The following LYRM4 variants were observed in gnomAD, a reference collection of about 807,000 sequenced individuals.
The protein encoded by LYRM4 is LYR motif containing 4.
In LYRM4, 9 loss-of-function variants were observed where a neutral mutation model predicts 11.7. That is an observed-to-expected ratio of 0.77 (90% CI 0.46 to 1.34). The LOEUF is 1.34. Among genes scored for constraint, LYRM4 ranks in the 40% most tolerant of loss-of-function variants. LYRM4 has a pLI of 0.00. For synonymous variants in LYRM4, 42 were observed against 40.4 expected (o/e 1.04, Z -0.15); for missense variants, 133 against 112.5 (o/e 1.18, Z -0.82).
At chr6:5,067,813 C>T in the LYRM4 span, among the ~76,000 whole-genome samples, 1 of 152,102 alleles carries the variant, frequency 6.6e-6, no homozygotes, top group Admixed American at 6.6e-5. Context: ...AAACAAATCC[C>T]ATGCCAGTTT....
chr6:5,065,246 G>A, the LYRM4 span, among the ~76,000 whole-genome samples: 2 of 144,066 alleles, frequency 1.4e-5, no homozygotes, highest in Non-Finnish European at 1.5e-5. Flanking sequence ...ATATACTACA[G>A]TTTACTTATG....
chr6:5,131,435 C>T (rs905766214), intron 2 of LYRM4, among the ~76,000 whole-genome samples: 3 of 152,206 alleles, frequency 2.0e-5, no homozygotes, highest in African/African-American at 4.8e-5. Flanking sequence ...TGCAATGGCT[C>T]ACGCCTGTAA....
chr6:5,102,383 T>C (rs1276768539), downstream of LYRM4, among the ~76,000 whole-genome samples: 5 of 152,178 alleles, frequency 3.3e-5, no homozygotes, highest in African/African-American at 1.2e-4. Context: ...CACATGTGCA[T>C]GTAAATGAAA....
intron 1 of LYRM4, among the ~76,000 whole-genome samples, chr6:5,253,705 T>C (rs1296525714): frequency 1.3e-5 from 2 of 152,014 alleles, no homozygotes; most frequent in Admixed American, 6.6e-5. Context: ...AGAGCAATCA[T>C]GGAAACTGAT....
At chr6:5,242,806 G>A (rs1031105256) in intron 1 of LYRM4, among the ~76,000 whole-genome samples, 6 of 138,348 alleles carry the variant, frequency 4.3e-5, no homozygotes, top group Non-Finnish European at 6.1e-5. Flanking sequence ...TCGCTCTGTC[G>A]CCCAGGCCGG....
chr6:5,202,635 T>C (rs916719622), intron 2 of LYRM4, among the ~76,000 whole-genome samples: 1 of 152,178 alleles, frequency 6.6e-6, no homozygotes, highest in African/African-American at 2.4e-5. Flanking sequence ...CCCACCTTAT[T>C]TCTCCCTAGT....
At chr6:5,245,116 ATATATATATATATATATATATATATAT>A (rs1764120169) in intron 1 of LYRM4, among the ~76,000 whole-genome samples, 8 of 14,720 alleles carry the variant, frequency 5.4e-4, no homozygotes, top group South Asian at 6.8e-3. Context: ...AAAAAAAAAT[ATATATATATATATATATATATATATAT>A]ATATATATAT....
chr6:5,085,061 C>T, the LYRM4 span: 2 of 187,970 alleles, frequency 1.1e-5, no homozygotes, highest in South Asian at 2.8e-4. Flanking sequence ...TCGAGGCACT[C>T]AAGAAGCGGA....
intron 2 of LYRM4, among the ~76,000 whole-genome samples, chr6:5,205,342 C>T (rs1761633620): frequency 6.6e-6 from 1 of 151,904 alleles, no homozygotes; most frequent in Non-Finnish European, 1.5e-5. Flanking sequence ...ATGGAAGGCC[C>T]AGCCCTCCGG....
intron 2 of LYRM4, among the ~76,000 whole-genome samples, chr6:5,166,757 T>A (rs538669297): frequency 1.3e-5 from 2 of 152,342 alleles, no homozygotes; most frequent in African/African-American, 4.8e-5. Context: ...ATATTCTTTT[T>A]CAAAAGCTCG....
the LYRM4 span, among the ~76,000 whole-genome samples, chr6:5,051,342 T>C: frequency 6.6e-6 from 1 of 152,154 alleles, no homozygotes; most frequent in Non-Finnish European, 1.5e-5. Flanking sequence ...TTCAAGAAGC[T>C]CAATGATCTC....
In LYRM4 at chr6:5,177,880, G is replaced by A. The variant is rs566375561; in HGVS notation, c.207+38738C>T. Among the ~76,000 whole-genome samples, 3 of 152,302 alleles carry A rather than the reference G, an allele frequency of 2.0e-5. No individual in the cohort carries two copies. The East Asian group carries it at 5.8e-4, about 29-fold the overall frequency. ...TTTCCAAGAACATACTAGGCCTCAC[G>A]CGCTCCTCAACACTGCCAACTTGGG... On this transcript the variant is annotated intron_variant, in intron 2 of 2. Transcript: ENST00000330636.
chr6:5,206,118 G>A (rs1222714541), intron 2 of LYRM4, among the ~76,000 whole-genome samples: 1 of 152,234 alleles, frequency 6.6e-6, no homozygotes, highest in Non-Finnish European at 1.5e-5. Context: ...AGTCAATAGA[G>A]AGGGTCAGTG....
the LYRM4 span, among the ~76,000 whole-genome samples, chr6:5,057,098 T>G: frequency 1.4e-4 from 21 of 152,328 alleles, no homozygotes; most frequent in African/African-American, 4.8e-4. Flanking sequence ...TCATTGCTTT[T>G]GCGGTATCAG....
At chr6:5,171,833 A>G (rs1182219124) in intron 2 of LYRM4, among the ~76,000 whole-genome samples, 9 of 152,188 alleles carry the variant, frequency 5.9e-5, no homozygotes, top group African/African-American at 2.4e-5. Context: ...GCATCTTTAA[A>G]TTGTTTTTTA....
chr6:5,207,277 G>A (rs949136160), intron 2 of LYRM4, among the ~76,000 whole-genome samples: 7 of 152,090 alleles, frequency 4.6e-5, no homozygotes, highest in African/African-American at 7.2e-5. Flanking sequence ...CATCCAGTCC[G>A]AAAAGAAAAT....
At position 5,208,699 on chromosome 6, in the gene LYRM4, T is replaced by C. The variant is rs575064324; in HGVS notation, c.207+7919A>G. On this transcript the variant is annotated intron_variant, in intron 2 of 2. Transcript: ENST00000330636. The stretch of plus-strand genomic sequence containing the variant: ...ATTCCTTCCACAGGAACGCCAACTA[T>C]GGGAATGCTGTTGCCCCAGACTCGA... Among the ~76,000 whole-genome samples the C allele has an allele frequency of 1.4e-4, 21 of 152,306 alleles. No individual in the cohort carries two copies. The South Asian group carries it at 1.4e-3, about 11-fold the overall frequency.
At chr6:5,085,414 C>A in the LYRM4 span, 2 of 1,159,398 alleles carry the variant, frequency 1.7e-6, no homozygotes, top group South Asian at 1.5e-5. Flanking sequence ...GCTCCTTCCA[C>A]GGCCCGAGGA....
chr6:5,177,582 C>G (rs1759795140), intron 2 of LYRM4, among the ~76,000 whole-genome samples: 1 of 152,222 alleles, frequency 6.6e-6, no homozygotes, highest in South Asian at 2.1e-4. Flanking sequence ...TCTGTCCTGC[C>G]GCTCTGGCTT....
Sources: allele counts gnomAD v4.1 joint callset (sites outside exome capture counted in the v4.1 genomes callset), GRCh38; gene constraint gnomAD v4.1.1; transcripts MANE v1.5; gene names NCBI Gene and HGNC (gene_info 2026-07-23, HGNC 2026-07-21).